NPFFR1: variants seen among roughly 807,000 people sequenced by gnomAD.
NPFFR1 encodes G-protein coupled receptor 147.
A neutral mutation model predicts 12.7 loss-of-function variants in NPFFR1; 17 were observed. The observed-to-expected ratio is 1.34, with a 90% CI of 0.92 to 2.01. The LOEUF (loss-of-function observed/expected upper bound fraction) is 2.01, where lower values mean the gene tolerates loss of function less well. Among genes scored for constraint, NPFFR1 ranks in the 30% most tolerant of loss-of-function variants. The pLI is 0.00. For synonymous variants in NPFFR1, 296 were observed against 264.5 expected, an observed-to-expected ratio of 1.12 and a Z score of -1.16; for missense variants, 604 against 606.5, an observed-to-expected ratio of 1.00 and a Z score of 0.04.
At chr10:70,258,035 A>G (rs183046908) in intron 3 of NPFFR1, among the ~76,000 whole-genome samples, 1,928 of 152,274 alleles carry the variant, frequency 0.013, 42 homozygotes, top group African/African-American at 0.043. Context: ...TGAAAATAAT[A>G]ATAAATAAAA....
chr10:70,258,306 A>C (rs1471862923), intron 3 of NPFFR1, among the ~76,000 whole-genome samples: 2 of 86,458 alleles, frequency 2.3e-5, no homozygotes, highest in Non-Finnish European at 3.1e-5. Flanking sequence ...CTTGTCTCCA[A>C]AAAAAAAAAA....
In NPFFR1 at chr10:70,247,935, A is replaced by G. The variant is rs1840465889; in HGVS notation, c.*7022T>C. ...AAACTAAATTTAAACCTTTTACCTA[A>G]ACTGCTGGTATTCCTTCTATCCCAA... On this transcript the variant is annotated 3_prime_UTR_variant, in exon 4 of 4. Coordinates refer to ENST00000277942, the MANE Select transcript of NPFFR1 (RefSeq NM_022146.5). 6.6e-6 allele frequency: 1 copy of G among 152,178 alleles called. No individual in the cohort carries two copies. Among genetic ancestry groups the G allele is most frequent in the African/African-American group, 2.4e-5 (1 of 41,436 alleles). The allele number at this position is 152,178 out of a possible 1,614,324, so 9.4% of individuals were successfully genotyped here.
intron 3 of NPFFR1, 146 bp downstream of exon 3, chr10:70,260,494 G>C (rs1840620268): frequency 1.4e-6 from 1 of 719,454 alleles, no homozygotes; most frequent in Non-Finnish European, 2.4e-6. Flanking sequence ...CTGGGCCCAG[G>C]GCCCTTCTCC....
At chr10:70,270,797 A>G (rs1243298973) in intron 1 of NPFFR1, among the ~76,000 whole-genome samples, 7 of 152,112 alleles carry the variant, frequency 4.6e-5, no homozygotes, top group Non-Finnish European at 1.0e-4. Context: ...CCTTGTAATT[A>G]CAGCCTGTGA....
chr10:70,272,972 A>T (rs1840765200), intron 1 of NPFFR1, among the ~76,000 whole-genome samples: 1 of 152,264 alleles, frequency 6.6e-6, no homozygotes, highest in African/African-American at 2.4e-5. Flanking sequence ...AACAGAAAAA[A>T]TAACAATGTT....
At chr10:70,273,667 C>T (rs1840772564) in intron 1 of NPFFR1, among the ~76,000 whole-genome samples, 1 of 152,148 alleles carries the variant, frequency 6.6e-6, no homozygotes, top group African/African-American at 2.4e-5. Flanking sequence ...GTGTCTGCAC[C>T]AACCGCTGGC....
rs540332958 is a variant in NPFFR1 at position 70,283,814 on chromosome 10, G to C, written c.-138C>G. 30 of 958,710 alleles carry C rather than the reference G, an allele frequency of 3.1e-5. No homozygotes were observed. Among genetic ancestry groups the C allele is most frequent in the Non-Finnish European group, 4.2e-5 (27 of 640,970 alleles). The allele number at this position is 958,710 out of a possible 1,614,324, so 59.4% of individuals were successfully genotyped here. A position where few individuals can be genotyped will look rare whatever the true frequency, so the allele number is the denominator to read the frequency against. On this transcript the variant is annotated 5_prime_UTR_variant, in exon 1 of 4. Transcript: ENST00000277942. ...GCCTCCGCGCTCCGCAGGTCCGGTC[G>C]GTCCGGGCAGAGGTGAGCAGGGGGC...
At chr10:70,279,452 C>CTTTA (rs202088718) in intron 1 of NPFFR1, among the ~76,000 whole-genome samples, 38 of 151,244 alleles carry the variant, frequency 2.5e-4, no homozygotes, top group African/African-American at 5.3e-4. Context: ...CAAACTCAAT[C>CTTTA]TTTATTTATT....
At chr10:70,268,031 A>G (rs1198062000) in intron 1 of NPFFR1, among the ~76,000 whole-genome samples, 3 of 152,244 alleles carry the variant, frequency 2.0e-5, no homozygotes, top group Non-Finnish European at 4.4e-5. Flanking sequence ...TGTAGAAGAG[A>G]GAATATTGTA....
chr10:70,255,869 A>C lies in NPFFR1; in HGVS notation c.423-42T>G, dbSNP rs1564593062. The C allele has an allele frequency of 6.4e-7, 1 of 1,555,130 alleles. No homozygotes were observed. Among genetic ancestry groups the C allele is most frequent in the Non-Finnish European group, 8.7e-7 (1 of 1,148,176 alleles). ...GACAGGCGGGATCTGGGTGGGTCCT[A>C]GGGCCCCTGCGAGGGGACGGTGGGT... On this transcript the variant is annotated intron_variant, in intron 3 of 3. Coordinates refer to ENST00000277942, the MANE Select transcript of NPFFR1 (RefSeq NM_022146.5). This position sits in a 1 kb window ranked among gnomAD's most constrained non-coding sequence, Gnocchi z 4.2.
intron 3 of NPFFR1, among the ~76,000 whole-genome samples, chr10:70,259,260 G>A (rs1288668545): frequency 6.6e-6 from 1 of 151,344 alleles, no homozygotes; most frequent in Admixed American, 6.6e-5. Flanking sequence ...CTCCAGCCTG[G>A]GTGACAGAGC....
intron 3 of NPFFR1, among the ~76,000 whole-genome samples, chr10:70,258,790 C>T (rs1344486313): frequency 6.6e-6 from 1 of 152,152 alleles, no homozygotes; most frequent in Non-Finnish European, 1.5e-5. Flanking sequence ...CTTATGGTCA[C>T]ATGGCTGTTT....
At chr10:70,258,600 G>C (rs1589909985) in intron 3 of NPFFR1, among the ~76,000 whole-genome samples, 1 of 152,216 alleles carries the variant, frequency 6.6e-6, no homozygotes, top group Non-Finnish European at 1.5e-5. Flanking sequence ...TGAAGATTAA[G>C]TGAGATGACA....
Position 70,255,322 on chromosome 10 carries a change from C to G in NPFFR1, c.928G>C (p.Ala310Pro). 1 of 1,580,714 alleles carries G rather than the reference C, an allele frequency of 6.3e-7. No homozygotes were observed. The highest frequency in any genetic ancestry group is 8.6e-7 in the Non-Finnish European group (1 of 1,167,452). Reference sequence around the variant, plus strand: ...GCCAGCCAGTGCGCGAAGGGGAAGGCGTAGACGGTGACCAGGTGCAGCTGC... The same window carrying G: ...GCCAGCCAGTGCGCGAAGGGGAAGGGGTAGACGGTGACCAGGTGCAGCTGC... ...APQLHLVTVY[A>P]FPFAHWLAFF... The change falls in exon 4 of 4, where the codon GCC becomes CCC. Residue 310 changes from alanine (A) to proline (P), a missense_variant. Ala to Pro is a conservative substitution (Grantham distance 27, BLOSUM62 -1). Transcript: ENST00000277942. The surrounding 1 kb of genome is among the most constrained non-coding windows in gnomAD (Gnocchi z 4.2).
At chr10:70,260,149 G>A (rs1394348472) in intron 3 of NPFFR1, among the ~76,000 whole-genome samples, 2 of 152,194 alleles carry the variant, frequency 1.3e-5, no homozygotes, top group Non-Finnish European at 2.9e-5. Flanking sequence ...TGGAATATGA[G>A]GCTGAGAGAC....
At chr10:70,264,456 A>G (rs1324099473) in intron 2 of NPFFR1, among the ~76,000 whole-genome samples, 1 of 152,164 alleles carries the variant, frequency 6.6e-6, no homozygotes, top group African/African-American at 2.4e-5. Flanking sequence ...TAGAAACAAC[A>G]TAAATACAAA....
chr10:70,282,409 T>A (rs1840873241), intron 1 of NPFFR1, among the ~76,000 whole-genome samples: 1 of 152,226 alleles, frequency 6.6e-6, no homozygotes, highest in East Asian at 1.9e-4. Context: ...ACGCCATTCT[T>A]ACAGATCTGC....
At chr10:70,283,571 A>T in intron 1 of NPFFR1, 99 bp downstream of exon 1, 2 of 1,176,868 alleles carry the variant, frequency 1.7e-6, no homozygotes, top group Admixed American at 4.0e-5. Flanking sequence ...CTGGACAGCC[A>T]TGGGTGATCA....
chr10:70,273,110 C>A (rs1167596356), intron 1 of NPFFR1, among the ~76,000 whole-genome samples: 1 of 152,152 alleles, frequency 6.6e-6, no homozygotes, highest in African/African-American at 2.4e-5. Context: ...TGGTTCTTGG[C>A]CCTGACTCAT....
Sources: gnomAD v4.1 joint callset for allele counts (sites outside exome capture counted in the v4.1 genomes callset) on GRCh38, gnomAD v4.1.1 for gene constraint, Gnocchi (gnomAD v3.1) non-coding constraint, MANE v1.5 for transcripts, NCBI Gene and HGNC (gene_info 2026-07-23, HGNC 2026-07-21) for gene names.